The following TCTN1 variants were observed in gnomAD, a reference collection of about 807,000 sequenced individuals.
TCTN1 encodes tectonic family member 1, also known as tectonic-1.
TCTN1 carries 58 observed loss-of-function variants against 65.8 expected under a neutral mutation model. The ratio of observed to expected loss-of-function variants is 0.88; its 90% confidence interval spans 0.71 to 1.10. The LOEUF is 1.10. TCTN1 is among the 50% of genes least tolerant of loss of function. The pLI, the probability that TCTN1 is intolerant of heterozygous loss-of-function variation, is 0.00. For missense variants in TCTN1, 645 were observed against 719.4 expected, an observed-to-expected ratio of 0.90 and a Z score of 1.18; for synonymous variants, 273 against 289.1, an observed-to-expected ratio of 0.94 and a Z score of 0.57.
chr12:110,617,606 G>A (rs889807793), intron 1 of TCTN1, among the ~76,000 whole-genome samples: 7 of 151,034 alleles, frequency 4.6e-5, no homozygotes, highest in African/African-American at 9.7e-5. Context: ...GGATACAGGC[G>A]TGAGCTATGG....
At chr12:110,618,112 A>T (rs1324390119) in intron 1 of TCTN1, among the ~76,000 whole-genome samples, 2 of 139,720 alleles carry the variant, frequency 1.4e-5, no homozygotes, top group Non-Finnish European at 3.0e-5. Flanking sequence ...TCACTCTGTC[A>T]TCCAGGCTGG....
intron 4 of TCTN1, chr12:110,629,511 A>G (rs193235211): frequency 6.6e-6 from 1 of 152,370 alleles, no homozygotes; most frequent in Admixed American, 6.5e-5. Context: ...ATCACTGGTC[A>G]TTAGAGAAAT....
At chr12:110,617,013 C>A (rs2065086600) in intron 1 of TCTN1, 1 of 152,190 alleles carries the variant, frequency 6.6e-6, no homozygotes, top group Admixed American at 6.5e-5. Flanking sequence ...TGGGTAGAAA[C>A]CTTTTTCCTA....
rs201913681 is a variant in TCTN1, at chr12:110,647,730, ATC to A, written c.1636-13_1636-12del. On this transcript the variant is annotated splice_polypyrimidine_tract_variant and intron_variant, in intron 13 of 14. Transcript: ENST00000397659. ...GAGCACACTGGAGGGTGGGCCTTGCATCTCTCTGTTTATTACAGGCCAACTCA... is the reference window on the plus strand; with the variant it reads ...GAGCACACTGGAGGGTGGGCCTTGCATCTCTGTTTATTACAGGCCAACTCA... 14,569 of 1,614,162 alleles carry A rather than the reference ATC, an allele frequency of 9.0e-3. 72 individuals carry two copies. Among genetic ancestry groups the A allele is most frequent in the Non-Finnish European group, 0.01 (12,010 of 1,180,034 alleles).
At chr12:110,646,409 A>G (rs2067304194) in intron 12 of TCTN1, 1 of 151,414 alleles carries the variant, frequency 6.6e-6, no homozygotes, top group Admixed American at 6.6e-5. Flanking sequence ...TTTTTTTTTA[A>G]TGAAAAAATG....
rs1593191237 is a variant in TCTN1, at chr12:110,614,551, A to C, written c.220+149A>C. On this transcript the variant is annotated intron_variant, in intron 1 of 14. Coordinates refer to ENST00000397659, the MANE Select transcript of TCTN1 (RefSeq NM_001082538.3). Reference sequence around the variant, plus strand: ...GTGTTCCATAAACGTCCATTCTCTAAACAATAACCCTGAGAAGTAGCTGTT... The same window carrying C: ...GTGTTCCATAAACGTCCATTCTCTACACAATAACCCTGAGAAGTAGCTGTT... The C allele has an allele frequency of 8.9e-6, 13 of 1,463,252 alleles. No individual in the cohort carries two copies. The East Asian group carries it at 3.0e-4, about 33-fold the overall frequency. The allele number at this position is 1,463,252 out of a possible 1,614,324, so 90.6% of individuals were successfully genotyped here. A position where few individuals can be genotyped will look rare whatever the true frequency, so the allele number is the denominator to read the frequency against.
intron 1 of TCTN1, among the ~76,000 whole-genome samples, chr12:110,619,049 A>C (rs2065244328): frequency 6.6e-6 from 1 of 151,644 alleles, no homozygotes; most frequent in South Asian, 2.1e-4. Flanking sequence ...GTGGTAGTGC[A>C]TGCCTTTAAT....
chr12:110,643,092 A>G (rs1271434726), intron 11 of TCTN1, among the ~76,000 whole-genome samples: 3 of 147,166 alleles, frequency 2.0e-5, no homozygotes, highest in Admixed American at 1.4e-4. Context: ...TTGTAGAGAC[A>G]GGATCTCACT....
chr12:110,617,335 A>C, intron 1 of TCTN1, among the ~76,000 whole-genome samples: 1 of 149,646 alleles, frequency 6.7e-6, no homozygotes, highest in African/African-American at 2.5e-5. Context: ...TATACCTTTT[A>C]CGGGGTACTA....
intron 14 of TCTN1, among the ~76,000 whole-genome samples, chr12:110,648,286 C>A (rs557845848): frequency 6.6e-6 from 1 of 152,318 alleles, no homozygotes; most frequent in African/African-American, 2.4e-5. Context: ...ATACTTCTAA[C>A]CTTTGAGGTT....
intron 2 of TCTN1, among the ~76,000 whole-genome samples, chr12:110,621,731 C>G (rs1213298215): frequency 6.6e-6 from 1 of 152,060 alleles, no homozygotes; most frequent in Admixed American, 6.5e-5. Flanking sequence ...CTCGGCCTCC[C>G]AAAGTGCTGG....
rs3742009 is a variant in TCTN1, at chr12:110,632,765, G to A, written c.712+206G>A. On this transcript the variant is annotated intron_variant, in intron 5 of 14. Coordinates refer to ENST00000397659, the MANE Select transcript of TCTN1 (RefSeq NM_001082538.3). Reference sequence around the variant, plus strand: ...TCTTCGGGTTAAAAGAGGCCTCAAAGGTCACGTAGTTCAATTTCTCACCCA... The same window carrying A: ...TCTTCGGGTTAAAAGAGGCCTCAAAAGTCACGTAGTTCAATTTCTCACCCA... Among the ~76,000 whole-genome samples the A allele has an allele frequency of 5.9e-3, 901 of 152,170 alleles. 22 individuals carry two copies. The highest frequency in any genetic ancestry group is 0.049 in the Admixed American group (745 of 15,266).
intron 1 of TCTN1, among the ~76,000 whole-genome samples, chr12:110,619,236 C>A (rs941139534): frequency 6.6e-6 from 1 of 151,912 alleles, no homozygotes; most frequent in Non-Finnish European, 1.5e-5. Flanking sequence ...GATTCCTACC[C>A]CGCCCTCATA....
chr12:110,634,420 T>A (rs1316394061), intron 5 of TCTN1: 5 of 546,092 alleles, frequency 9.2e-6, no homozygotes, highest in Non-Finnish European at 1.7e-5. Flanking sequence ...TTCACACCTG[T>A]AATCCCAGCA....
intron 4 of TCTN1, among the ~76,000 whole-genome samples, chr12:110,632,117 A>G (rs1179753020): frequency 6.6e-6 from 1 of 152,218 alleles, no homozygotes; most frequent in East Asian, 1.9e-4. Flanking sequence ...TATACTGTAT[A>G]TGTTATTTAA....
intron 12 of TCTN1, chr12:110,645,839 C>CT (rs1473507282): frequency 1.3e-5 from 2 of 153,394 alleles, no homozygotes; most frequent in Non-Finnish European, 1.4e-5. Context: ...CTTCAGACCT[C>CT]TCATTATCCG....
rs780059055 is a variant in TCTN1, at chr12:110,614,488, ACT to A, written c.220+89_220+90del. On this transcript the variant is annotated intron_variant, in intron 1 of 14. Transcript: ENST00000397659. ...GGTGAGGACGTAATAATGATAGCTA[ACT>A]CTTATTGAGCACTTACTGTGTGCAG... The A allele has an allele frequency of 1.9e-4, 295 of 1,544,612 alleles. 1 individual carries two copies. Among genetic ancestry groups the A allele is most frequent in the Non-Finnish European group, 2.4e-4 (275 of 1,146,822 alleles).
chr12:110,633,792 G>T (rs1177772181), intron 5 of TCTN1, among the ~76,000 whole-genome samples: 1 of 152,196 alleles, frequency 6.6e-6, no homozygotes, highest in African/African-American at 2.4e-5. Flanking sequence ...CTACATAGCT[G>T]GTGAGACTGT....
At chr12:110,647,727 T>C (rs1446337777) in intron 13 of TCTN1, 22 bp from the exon 14 acceptor site, 1 of 1,613,688 alleles carries the variant, frequency 6.2e-7, no homozygotes, top group African/African-American at 1.3e-5. Flanking sequence ...GGGTGGGCCT[T>C]GCATCTCTCT....
Sources: gnomAD v4.1 joint callset for allele counts (sites outside exome capture counted in the v4.1 genomes callset) on GRCh38, gnomAD v4.1.1 for gene constraint, MANE v1.5 for transcripts, NCBI Gene and HGNC (gene_info 2026-07-23, HGNC 2026-07-21) for gene names.